Variants in TBC1D22A observed in about 807,000 individuals in gnomAD.
TBC1D22A encodes the protein TBC1 domain family member 22A.
TBC1D22A carries 38 observed loss-of-function variants against 60.2 expected under a neutral mutation model. That is an observed-to-expected ratio of 0.63 (90% CI 0.49 to 0.83). TBC1D22A has a LOEUF of 0.83. TBC1D22A is among the 40% of genes least tolerant of loss of function. TBC1D22A has a pLI of 0.00. For synonymous variants in TBC1D22A, 302 were observed against 281.7 expected (o/e 1.07, Z -0.72); for missense variants, 628 against 701.0 (o/e 0.90, Z 1.18).
intron 11 of TBC1D22A, among the ~76,000 whole-genome samples, chr22:47,053,886 A>G (rs1460893530): frequency 2.0e-5 from 3 of 152,252 alleles, no homozygotes; most frequent in African/African-American, 7.2e-5. Context: ...GCCATCGTTA[A>G]GAAATGGAGT....
chr22:46,766,680 C>A (rs1039385710), intron 1 of TBC1D22A, among the ~76,000 whole-genome samples: 2 of 152,262 alleles, frequency 1.3e-5, no homozygotes, highest in Middle Eastern at 3.4e-3. Flanking sequence ...GGATTACAGG[C>A]GCCCACCACC....
At chr22:47,056,476 T>G (rs927132512) in intron 11 of TBC1D22A, among the ~76,000 whole-genome samples, 4 of 152,114 alleles carry the variant, frequency 2.6e-5, no homozygotes, top group African/African-American at 9.7e-5. Flanking sequence ...CCCTTCCTGA[T>G]GCAGAAGCCA....
chr22:46,876,566 G>T (rs2067576695), intron 4 of TBC1D22A, among the ~76,000 whole-genome samples: 2 of 152,230 alleles, frequency 1.3e-5, no homozygotes, highest in South Asian at 4.1e-4. Flanking sequence ...GGTTGCAGCA[G>T]TTCTGACCCC....
intron 8 of TBC1D22A, among the ~76,000 whole-genome samples, chr22:46,971,566 G>A (rs2074059871): frequency 6.6e-6 from 1 of 152,208 alleles, no homozygotes; most frequent in African/African-American, 2.4e-5. Context: ...AGGAAGTGAT[G>A]CCAGGGGGAG....
chr22:47,046,844 G>A (rs1303749474), intron 11 of TBC1D22A, among the ~76,000 whole-genome samples: 2 of 152,188 alleles, frequency 1.3e-5, no homozygotes, highest in Admixed American at 6.5e-5. Context: ...CCAAGGCTGC[G>A]GGAACAGCAG....
chr22:47,103,657 G>T (rs796195454), intron 11 of TBC1D22A, among the ~76,000 whole-genome samples: 76 of 149,198 alleles, frequency 5.1e-4, no homozygotes, highest in African/African-American at 1.8e-3. Flanking sequence ...TATAGGAGTC[G>T]CAGTGGCATT....
In TBC1D22A at chr22:47,104,522, C is replaced by G. The variant is rs1157225068; in HGVS notation, c.1330-6986C>G. Among the ~76,000 whole-genome samples, 3 of 151,842 alleles carry G rather than the reference C, an allele frequency of 2.0e-5. No individual in the cohort carries two copies. In the East Asian group the frequency reaches 5.8e-4, roughly 29 times the overall value. ...CCAGCCTGACCAACATGGCGAAACCCCATCTCTACTGAAAATACAAAAATT... is the reference window on the plus strand; with the variant it reads ...CCAGCCTGACCAACATGGCGAAACCGCATCTCTACTGAAAATACAAAAATT... On this transcript the variant is annotated intron_variant, in intron 11 of 12. Coordinates refer to ENST00000337137, the MANE Select transcript of TBC1D22A (RefSeq NM_014346.5).
chr22:47,120,038 C>T (rs905621105), intron 12 of TBC1D22A, among the ~76,000 whole-genome samples: 1 of 152,080 alleles, frequency 6.6e-6, no homozygotes, highest in African/African-American at 2.4e-5. Context: ...ATAAAAATAC[C>T]ACTGGAATGT....
chr22:46,866,389 G>A (rs1488389304), intron 4 of TBC1D22A, among the ~76,000 whole-genome samples: 1 of 152,190 alleles, frequency 6.6e-6, no homozygotes, highest in Admixed American at 6.5e-5. Context: ...ACAGGTGTGA[G>A]CCACCACTCC....
intron 4 of TBC1D22A, among the ~76,000 whole-genome samples, chr22:46,846,684 A>G (rs1042617278): frequency 1.3e-5 from 2 of 152,170 alleles, no homozygotes; most frequent in Non-Finnish European, 2.9e-5. Context: ...GGGTATCAAG[A>G]TACGCCACCA....
intron 5 of TBC1D22A, among the ~76,000 whole-genome samples, chr22:46,886,371 T>C (rs1302144794): frequency 6.6e-6 from 1 of 152,200 alleles, no homozygotes; most frequent in East Asian, 1.9e-4. Flanking sequence ...TGTGCCCCTC[T>C]CCAGAATACT....
chr22:46,887,808 C>T (rs556900295), intron 5 of TBC1D22A, among the ~76,000 whole-genome samples: 53 of 152,224 alleles, frequency 3.5e-4, no homozygotes, highest in African/African-American at 1.3e-3. Flanking sequence ...TCTAAGTATG[C>T]TATACTTCAA....
At chr22:47,157,962 G>A (rs981452174) in intron 12 of TBC1D22A, among the ~76,000 whole-genome samples, 13 of 152,168 alleles carry the variant, frequency 8.5e-5, no homozygotes, top group Admixed American at 4.6e-4. Context: ...GATGGGCGTC[G>A]TGGCTCTTAA....
intron 12 of TBC1D22A, 84 bp downstream of exon 12, chr22:47,111,687 T>C (rs1384004604): frequency 3.0e-6 from 4 of 1,313,412 alleles, no homozygotes; most frequent in Non-Finnish European, 3.2e-6. Context: ...ACAGGGTTAT[T>C]TGTGGAAGAG....
At chr22:46,996,022 C>T (rs939433667) in intron 9 of TBC1D22A, among the ~76,000 whole-genome samples, 1 of 152,202 alleles carries the variant, frequency 6.6e-6, no homozygotes, top group Non-Finnish European at 1.5e-5. Context: ...AGACCTGCCC[C>T]GCTGCCACGC....
rs772003305 is a variant in TBC1D22A, at chr22:46,913,479, T to G, written c.1015+1291T>G. On this transcript the variant is annotated intron_variant, in intron 8 of 12. Transcript: ENST00000337137. ...ATTTTACTGCAGCCCTCTGACACTT[T>G]GTTTCCATTTGTGATTTCATAGGAG... 14 of 1,330,142 alleles carry G rather than the reference T, an allele frequency of 1.1e-5. No homozygotes were observed. The African/African-American group carries it at 1.6e-4, about 16-fold the overall frequency. 82.4% of individuals were successfully genotyped at this position (1,330,142 alleles called of 1,614,324 possible). A position where few individuals can be genotyped will look rare whatever the true frequency, so the allele number is the denominator to read the frequency against.
chr22:46,884,500 G>C (rs748215758), intron 5 of TBC1D22A, among the ~76,000 whole-genome samples: 1 of 152,216 alleles, frequency 6.6e-6, no homozygotes, highest in Non-Finnish European at 1.5e-5. Context: ...GGGAGGTGGA[G>C]ACCGAGAGAG....
intron 10 of TBC1D22A, among the ~76,000 whole-genome samples, chr22:47,024,670 A>G (rs1003549995): frequency 3.3e-5 from 5 of 152,102 alleles, no homozygotes; most frequent in Admixed American, 1.3e-4. Context: ...CCTGGGCAAC[A>G]TGGTGAGACC....
intron 12 of TBC1D22A, among the ~76,000 whole-genome samples, chr22:47,153,335 G>A (rs1427131278): frequency 6.6e-6 from 1 of 152,174 alleles, no homozygotes; most frequent in Non-Finnish European, 1.5e-5. Context: ...CAGGGCTTGT[G>A]CCTCCTTTCA....
Sources: gnomAD v4.1 joint callset for allele counts (sites outside exome capture counted in the v4.1 genomes callset) on GRCh38, gnomAD v4.1.1 for gene constraint, MANE v1.5 for transcripts, NCBI Gene and HGNC (gene_info 2026-07-23, HGNC 2026-07-21) for gene names.